The following IFT122 variants were observed in gnomAD, a reference collection of about 807,000 sequenced individuals.
IFT122 encodes intraflagellar transport protein 122 homolog.
In IFT122, 118 loss-of-function variants were observed where a neutral mutation model predicts 161.6. That is an observed-to-expected ratio of 0.73 (90% CI 0.63 to 0.85). The LOEUF is 0.85. IFT122 is among the 40% of genes least tolerant of loss of function. The probability of loss-of-function intolerance (pLI) is 0.00; values close to 1 mark genes in which losing one functional copy is unlikely to be tolerated. For synonymous variants in IFT122, 550 were observed against 602.4 expected, an observed-to-expected ratio of 0.91 and a Z score of 1.27; for missense variants, 1,381 against 1,579.6, an observed-to-expected ratio of 0.87 and a Z score of 2.13.
In IFT122 at chr3:129,520,408, G is replaced by A. The variant is rs923988351; in HGVS notation, c.*143G>A. ...TGTGGGGGGGGCCTTGTGTAACCACGGAATTCCTATTTATGGCATTTCATG... is the reference window on the plus strand; with the variant it reads ...TGTGGGGGGGGCCTTGTGTAACCACAGAATTCCTATTTATGGCATTTCATG... On this transcript the variant is annotated 3_prime_UTR_variant, in exon 30 of 30. Transcript: ENST00000348417. 5.6e-6 allele frequency: 4 copies of A among 715,448 alleles called. No individual in the cohort carries two copies. The highest frequency in any genetic ancestry group is 1.0e-5 in the Non-Finnish European group (4 of 398,840). 44.3% of individuals were successfully genotyped at this position (715,448 alleles called of 1,614,324 possible). A position where few individuals can be genotyped will look rare whatever the true frequency, so the allele number is the denominator to read the frequency against.
At chr3:129,454,642 C>G (rs918162657) in intron 3 of IFT122, among the ~76,000 whole-genome samples, 13 of 151,350 alleles carry the variant, frequency 8.6e-5, no homozygotes, top group African/African-American at 3.2e-4. Context: ...CTGTCTCATC[C>G]TAGTGGCTGT....
chr3:129,494,013 A>G (rs2080499303), intron 17 of IFT122, among the ~76,000 whole-genome samples: 1 of 152,208 alleles, frequency 6.6e-6, no homozygotes. Context: ...GCATAATTCC[A>G]GAGAACTGCA....
At position 129,478,010 on chromosome 3, in the gene IFT122, T is replaced by C; in HGVS notation, c.1148-6T>C. Reference sequence around the variant, plus strand: ...TGCTAGAACTAGATATTTTTTTCTTTGACAGTTCGGATTAAATGCAAAGAG... The same window carrying C: ...TGCTAGAACTAGATATTTTTTTCTTCGACAGTTCGGATTAAATGCAAAGAG... On this transcript the variant is annotated splice_region_variant and splice_polypyrimidine_tract_variant and intron_variant, in intron 11 of 29. Coordinates refer to ENST00000348417, the MANE Select transcript of IFT122 (RefSeq NM_052989.3). The C allele has an allele frequency of 6.2e-7, 1 of 1,613,542 alleles. No individual in the cohort carries two copies. Among genetic ancestry groups the C allele is most frequent in the Non-Finnish European group, 8.5e-7 (1 of 1,179,442 alleles).
intron 3 of IFT122, chr3:129,457,981 A>AC (rs1415388790): frequency 1.9e-5 from 3 of 155,744 alleles, no homozygotes; most frequent in African/African-American, 7.3e-5. Context: ...CTCGTGATCC[A>AC]CCCGCCTCAG....
rs1263427072 is a variant in IFT122 at position 129,495,700 on chromosome 3, G to A, written c.2208+93G>A. 42 of 1,399,262 alleles carry A rather than the reference G, an allele frequency of 3.0e-5. No individual in the cohort carries two copies. In the East Asian group the frequency reaches 6.8e-4, roughly 23 times the overall value. 86.7% of individuals were successfully genotyped at this position (1,399,262 alleles called of 1,614,324 possible). On this transcript the variant is annotated intron_variant, in intron 18 of 29. Coordinates refer to ENST00000348417, the MANE Select transcript of IFT122 (RefSeq NM_052989.3). ...AAGTTATTTTCCCCAAGAGTGCTGCGGACAAAAACTAGCAATGGTCTCAGA... is the reference window on the plus strand; with the variant it reads ...AAGTTATTTTCCCCAAGAGTGCTGCAGACAAAAACTAGCAATGGTCTCAGA...
intron 23 of IFT122, among the ~76,000 whole-genome samples, chr3:129,510,413 C>T (rs1489498853): frequency 1.3e-5 from 2 of 152,186 alleles, no homozygotes; most frequent in African/African-American, 4.8e-5. Context: ...GGTCAGTGGT[C>T]TCAAGGGACC....
chr3:129,473,169 C>T (rs2077542126), intron 9 of IFT122, among the ~76,000 whole-genome samples: 1 of 152,092 alleles, frequency 6.6e-6, no homozygotes, highest in African/African-American at 2.4e-5. Context: ...AGGGAGGTGG[C>T]AGGCACCCAT....
intron 17 of IFT122, among the ~76,000 whole-genome samples, chr3:129,493,113 C>T (rs368040713): frequency 1.3e-5 from 2 of 152,294 alleles, no homozygotes; most frequent in Admixed American, 1.3e-4. Flanking sequence ...CTACCATGCC[C>T]GGCCCTTAGA....
intron 12 of IFT122, among the ~76,000 whole-genome samples, chr3:129,478,963 C>CT (rs1205539226): frequency 3.9e-5 from 6 of 152,006 alleles, no homozygotes; most frequent in Non-Finnish European, 8.8e-5. Flanking sequence ...TAGAGAGTGT[C>CT]TAAGTCAATG....
In IFT122 at chr3:129,466,947, C is replaced by G. The variant is rs752858175; in HGVS notation, c.621C>G (p.Val207=). 1.2e-6 allele frequency: 2 copies of G among 1,614,130 alleles called. No individual in the cohort carries two copies. Among genetic ancestry groups the G allele is most frequent in the South Asian group, 2.2e-5 (2 of 91,078 alleles). The stretch of plus-strand genomic sequence containing the variant: ...ATGAGGATGCCGAGGATGTCATTGT[C>G]AACAGATATATTCAGGAAATCCCTT... ...RENEDAEDVI[V]NRYIQEIPST... The change falls in exon 8 of 30, where the codon GTC becomes GTG. Residue 207 remains valine (V), a synonymous_variant. Coordinates refer to ENST00000348417, the MANE Select transcript of IFT122 (RefSeq NM_052989.3).
At chr3:129,451,777 G>T (rs1322539894) in intron 2 of IFT122, 137 bp from the exon 3 acceptor site, 2 of 751,262 alleles carry the variant, frequency 2.7e-6, no homozygotes, top group Non-Finnish European at 2.3e-6. Context: ...TTTTGGTTTT[G>T]CAGTGCAGTT....
intron 7 of IFT122, among the ~76,000 whole-genome samples, chr3:129,465,147 GTGTGTGTGTGTGT>G (rs2076599809): frequency 1.5e-5 from 2 of 134,996 alleles, no homozygotes; most frequent in African/African-American, 6.2e-5. Flanking sequence ...GTGTGTGTGT[GTGTGTGTGTGTGT>G]GGTGTGTGAG....
chr3:129,463,233 C>T (rs1040092991), intron 5 of IFT122: 4 of 342,268 alleles, frequency 1.2e-5, no homozygotes, highest in Admixed American at 8.4e-5. Flanking sequence ...GTTGTTTTAT[C>T]GCATGTGTAG....
intron 19 of IFT122, among the ~76,000 whole-genome samples, chr3:129,501,136 A>G (rs1249764221): frequency 6.6e-6 from 1 of 152,112 alleles, no homozygotes; most frequent in East Asian, 1.9e-4. Flanking sequence ...CTTGGGACTC[A>G]GCACACCGGA....
intron 24 of IFT122, chr3:129,514,176 C>A: frequency 2.9e-6 from 2 of 688,254 alleles, no homozygotes; most frequent in Admixed American, 2.0e-5. Context: ...ATGGAAACTA[C>A]GCTGTTTTTA....
chr3:129,448,985 C>T (rs1017664065), intron 1 of IFT122, among the ~76,000 whole-genome samples: 6 of 152,316 alleles, frequency 3.9e-5, no homozygotes, highest in East Asian at 3.9e-4. Flanking sequence ...AGGCATGAGC[C>T]GCTGCGCCAG....
chr3:129,492,228 G>A (rs770628119), intron 17 of IFT122, 34 bp downstream of exon 17: 10 of 1,543,132 alleles, frequency 6.5e-6, no homozygotes, highest in South Asian at 2.2e-5. Flanking sequence ...TCTCAAGAAG[G>A]CATACTTGGG....
rs1306771910 is a variant in IFT122 at position 129,458,733 on chromosome 3, C to G, written c.272+56C>G. The G allele has an allele frequency of 9.9e-6, 13 of 1,310,158 alleles. 1 individual carries two copies. In the East Asian group the frequency reaches 3.0e-4, roughly 30 times the overall value. 81.2% of individuals were successfully genotyped at this position (1,310,158 alleles called of 1,614,324 possible). ...TTTGATGCTTATTGAATAATTGCAG[C>G]AAAAGCCTCTTAGAAAAGATGTAGG... is the stretch of plus-strand genomic sequence containing the variant. On this transcript the variant is annotated intron_variant, in intron 4 of 29. Transcript: ENST00000348417.
At chr3:129,440,865 T>C (rs535652251) in intron 1 of IFT122, among the ~76,000 whole-genome samples, 16 of 152,368 alleles carry the variant, frequency 1.1e-4, no homozygotes, top group Admixed American at 1.0e-3. Context: ...TCGCTTGCTC[T>C]AAGTGTAAAA....
Sources: gnomAD v4.1 joint callset for allele counts (sites outside exome capture counted in the v4.1 genomes callset) on GRCh38, gnomAD v4.1.1 for gene constraint, MANE v1.5 for transcripts, NCBI Gene and HGNC (gene_info 2026-07-23, HGNC 2026-07-21) for gene names.